The following PTPRT variants were observed in gnomAD, a reference collection of about 807,000 sequenced individuals.
The protein encoded by PTPRT is receptor-type tyrosine-protein phosphatase T.
PTPRT carries 56 observed loss-of-function variants against 176.8 expected under a neutral mutation model. The ratio of observed to expected loss-of-function variants is 0.32; its 90% CI spans 0.26 to 0.40. The LOEUF is 0.40. PTPRT is among the 10% of genes least tolerant of loss of function. The pLI is 1.00. For synonymous variants in PTPRT, 783 were observed against 739.0 expected (o/e 1.06, Z -0.96); for missense variants, 1,540 against 1,908.2 (o/e 0.81, Z 3.60).
chr20:42,106,621 C>T lies in PTPRT; in HGVS notation c.3390+165G>A, dbSNP rs555777151. Among the ~76,000 whole-genome samples, 11 of 152,266 alleles carry T rather than the reference C, an allele frequency of 7.2e-5. No individual in the cohort carries two copies. In the East Asian group the frequency reaches 1.9e-3, roughly 27 times the overall value. On this transcript the variant is annotated intron_variant, in intron 24 of 30. Transcript: ENST00000373187. ...GTTGGCTGGGGCACCCTAGCTTCTACAGTAGTCTCACCATAGTAAGCCACG... is the reference window on the plus strand; with the variant it reads ...GTTGGCTGGGGCACCCTAGCTTCTATAGTAGTCTCACCATAGTAAGCCACG...
At chr20:42,928,728 G>A (rs1245578682) in intron 1 of PTPRT, among the ~76,000 whole-genome samples, 1 of 152,112 alleles carries the variant, frequency 6.6e-6, no homozygotes, top group African/African-American at 2.4e-5. Context: ...CCAGGTATTG[G>A]AGCCTCCACC....
chr20:42,571,124 G>C (rs1601293001), intron 7 of PTPRT, among the ~76,000 whole-genome samples: 1 of 152,172 alleles, frequency 6.6e-6, no homozygotes, highest in Admixed American at 6.5e-5. Context: ...GTAATATTTG[G>C]TAGAAAGCTG....
intron 6 of PTPRT, among the ~76,000 whole-genome samples, chr20:42,694,187 C>G (rs988488877): frequency 2.0e-5 from 3 of 151,834 alleles, no homozygotes; most frequent in African/African-American, 7.3e-5. Flanking sequence ...TACAGGCACC[C>G]GCCACCATGC....
chr20:42,897,501 G>C (rs1457531796), intron 1 of PTPRT, among the ~76,000 whole-genome samples: 1 of 152,204 alleles, frequency 6.6e-6, no homozygotes, highest in African/African-American at 2.4e-5. Flanking sequence ...AGTGGGAAAA[G>C]CCCAGGGGTA....
At chr20:42,551,344 C>CA (rs2072767031) in intron 7 of PTPRT, among the ~76,000 whole-genome samples, 1 of 152,200 alleles carries the variant, frequency 6.6e-6, no homozygotes, top group African/African-American at 2.4e-5. Context: ...CAGGCACACA[C>CA]AAAAAGCAAT....
rs188182910 is a variant in PTPRT at position 42,416,860 on chromosome 20, A to G, written c.1560+31360T>C. Among the ~76,000 whole-genome samples, 164 of 152,332 alleles carry G rather than the reference A, an allele frequency of 1.1e-3. 1 individual carries two copies. Among genetic ancestry groups the G allele is most frequent in the African/African-American group, 3.8e-3 (160 of 41,582 alleles). ...AAGTATGTTATCAGATTGTATCTACAATATAATAACAACCAGGACAAAATT... is the reference window on the plus strand; with the variant it reads ...AAGTATGTTATCAGATTGTATCTACGATATAATAACAACCAGGACAAAATT... On this transcript the variant is annotated intron_variant, in intron 9 of 30. Coordinates refer to ENST00000373187, the MANE Select transcript of PTPRT (RefSeq NM_007050.6).
At chr20:42,115,922 C>T in intron 21 of PTPRT, 1 of 643,902 alleles carries the variant, frequency 1.6e-6, no homozygotes, top group Non-Finnish European at 2.8e-6. Context: ...GGAAGATGCG[C>T]AGTTCCTCTC....
At chr20:42,682,821 T>A (rs979752701) in intron 6 of PTPRT, among the ~76,000 whole-genome samples, 2 of 152,188 alleles carry the variant, frequency 1.3e-5, no homozygotes, top group African/African-American at 4.8e-5. Context: ...TCCTCAGGCA[T>A]CAATCTCCAG....
At position 43,138,729 on chromosome 20, in the gene PTPRT, C is replaced by T. The variant is rs148517533; in HGVS notation, c.88+50917G>A. On this transcript the variant is annotated intron_variant, in intron 1 of 30. Coordinates refer to ENST00000373187, the MANE Select transcript of PTPRT (RefSeq NM_007050.6). ...AGTCTAAGTGGAGCCTCCCTCTTAC[C>T]CTTCCCAGCCTAGCCTCACGCCCCA... is the stretch of plus-strand genomic sequence containing the variant. 1.2e-3 allele frequency among the ~76,000 whole-genome samples: 184 copies of T among 152,258 alleles called. 1 individual carries two copies. The highest frequency in any genetic ancestry group is 0.01 in the Middle Eastern group (3 of 294).
In PTPRT at chr20:42,924,799, A is replaced by C. The variant is rs555364389; in HGVS notation, c.89-38867T>G. On this transcript the variant is annotated intron_variant, in intron 1 of 30. Transcript: ENST00000373187. Reference sequence around the variant, plus strand: ...TGATCACAGGTCAGCTGGATTCACAAATCTGTGTACTTAGGGCCTCATCTG... The same window carrying C: ...TGATCACAGGTCAGCTGGATTCACACATCTGTGTACTTAGGGCCTCATCTG... 5.9e-5 allele frequency among the ~76,000 whole-genome samples: 9 copies of C among 152,348 alleles called. No homozygotes were observed. The South Asian group carries it at 1.9e-3, about 32-fold the overall frequency.
chr20:42,915,060 G>T (rs1188548313), intron 1 of PTPRT, among the ~76,000 whole-genome samples: 3 of 143,768 alleles, frequency 2.1e-5, no homozygotes, highest in Non-Finnish European at 4.5e-5. Context: ...GAGGGAAAAA[G>T]ATATAATTAA....
chr20:43,126,392 A>G (rs2013441828), intron 1 of PTPRT, among the ~76,000 whole-genome samples: 1 of 152,114 alleles, frequency 6.6e-6, no homozygotes, highest in South Asian at 2.1e-4. Context: ...GATTAAAAGA[A>G]AGTCATTGAG....
intron 1 of PTPRT, among the ~76,000 whole-genome samples, chr20:42,938,182 T>A (rs1980313368): frequency 6.6e-6 from 1 of 152,110 alleles, no homozygotes; most frequent in African/African-American, 2.4e-5. Flanking sequence ...ATGTAAAATT[T>A]TTTGAGGGGG....
chr20:42,344,784 T>G (rs2058163367), intron 11 of PTPRT, among the ~76,000 whole-genome samples: 1 of 152,120 alleles, frequency 6.6e-6, no homozygotes. Flanking sequence ...GAAGACCTTC[T>G]TCACCTGGAC....
chr20:43,068,717 G>A (rs1381792725), intron 1 of PTPRT, among the ~76,000 whole-genome samples: 2 of 151,942 alleles, frequency 1.3e-5, no homozygotes, highest in Non-Finnish European at 2.9e-5. Flanking sequence ...AGAAAGAATT[G>A]GACATGTTAG....
In PTPRT at chr20:42,863,059, C is replaced by A. The variant is rs889562784; in HGVS notation, c.214+22748G>T. Among the ~76,000 whole-genome samples, 3 of 152,120 alleles carry A rather than the reference C, an allele frequency of 2.0e-5. No homozygotes were observed. The East Asian group carries it at 5.8e-4, about 29-fold the overall frequency. ...CATTCACACTTGCCAGAGAAAGAGACTGAGATTCAGAGAAGTCCTCTGTAG... is the reference window on the plus strand; with the variant it reads ...CATTCACACTTGCCAGAGAAAGAGAATGAGATTCAGAGAAGTCCTCTGTAG... On this transcript the variant is annotated intron_variant, in intron 2 of 30. Transcript: ENST00000373187.
intron 6 of PTPRT, among the ~76,000 whole-genome samples, chr20:42,745,231 C>T (rs2076674824): frequency 6.6e-6 from 1 of 152,210 alleles, no homozygotes; most frequent in African/African-American, 2.4e-5. Flanking sequence ...CCAGCTCTGC[C>T]TTCCCATCCA....
At chr20:43,044,781 C>T (rs564170155) in intron 1 of PTPRT, among the ~76,000 whole-genome samples, 1 of 152,316 alleles carries the variant, frequency 6.6e-6, no homozygotes, top group Admixed American at 6.5e-5. Flanking sequence ...ACGGTGCAGA[C>T]AACTCAATAA....
chr20:42,283,356 G>T (rs1458165790), intron 12 of PTPRT, among the ~76,000 whole-genome samples: 1 of 152,132 alleles, frequency 6.6e-6, no homozygotes, highest in Non-Finnish European at 1.5e-5. Context: ...AAGAATGCAA[G>T]TATGTGAGTT....
Sources: gnomAD v4.1 joint callset for allele counts (sites outside exome capture counted in the v4.1 genomes callset) on GRCh38, gnomAD v4.1.1 for gene constraint, MANE v1.5 for transcripts, NCBI Gene and HGNC (gene_info 2026-07-23, HGNC 2026-07-21) for gene names.